The following LRP1B variants were observed in gnomAD, a reference collection of about 807,000 sequenced individuals.
LRP1B encodes low-density lipoprotein receptor-related protein 1B.
LRP1B carries 217 observed loss-of-function variants against 556.6 expected under a neutral mutation model. That is an observed-to-expected ratio of 0.39 (90% confidence interval 0.35 to 0.44). The LOEUF is 0.44. Among genes scored for constraint, LRP1B ranks in the 20% least tolerant of loss-of-function variants. The probability of loss-of-function intolerance (pLI) is 1.00; values close to 1 mark genes in which losing one functional copy is unlikely to be tolerated. For synonymous variants in LRP1B, 2,047 were observed against 1,865.8 expected (o/e 1.10, Z -2.50); for missense variants, 5,053 against 5,620.8 (o/e 0.90, Z 3.23).
intron 6 of LRP1B, among the ~76,000 whole-genome samples, chr2:141,227,639 G>A (rs537515793): frequency 6.6e-6 from 1 of 151,992 alleles, no homozygotes; most frequent in East Asian, 1.9e-4. Flanking sequence ...TCATTAAGAG[G>A]ATCTTCAAAA....
At chr2:142,042,153 G>A (rs1471514896) in intron 1 of LRP1B, among the ~76,000 whole-genome samples, 2 of 151,318 alleles carry the variant, frequency 1.3e-5, no homozygotes, top group African/African-American at 4.8e-5. Flanking sequence ...GGCCTTAACT[G>A]AATGCTACTG....
chr2:140,334,507 T>G lies in LRP1B; in HGVS notation c.12169A>C (p.Met4057Leu). 6.2e-7 allele frequency: 1 copy of G among 1,607,932 alleles called. No homozygotes were observed. Among genetic ancestry groups the G allele is most frequent in the Non-Finnish European group, 8.5e-7 (1 of 1,177,256 alleles). The change falls in exon 79 of 91, where the codon ATG becomes CTG. Residue 4057 changes from methionine (M) to leucine (L), a missense_variant. Transcript: ENST00000389484. Reference sequence around the variant, plus strand: ...AAAATCCTTCTCAGTGTACCATCCATGGCTGCTTCTTCTATATGGGAATGA... The same window carrying G: ...AAAATCCTTCTCAGTGTACCATCCAGGGCTGCTTCTTCTATATGGGAATGA... ...GDHSHIEEAA[M>L]DGTLRRILVQ... is the part of the protein sequence containing the mutation.
At chr2:141,949,590 A>C (rs1701051986) in intron 1 of LRP1B, among the ~76,000 whole-genome samples, 1 of 152,228 alleles carries the variant, frequency 6.6e-6, no homozygotes, top group South Asian at 2.1e-4. Context: ...AGGTTTCACC[A>C]TGTTGGCCAG....
chr2:141,939,284 A>T (rs1700725356), intron 1 of LRP1B, among the ~76,000 whole-genome samples: 1 of 152,072 alleles, frequency 6.6e-6, no homozygotes, highest in Admixed American at 6.6e-5. Flanking sequence ...AGGAAGAATA[A>T]CTTGACTTAC....
intron 2 of LRP1B, among the ~76,000 whole-genome samples, chr2:141,764,604 T>G (rs1188410694): frequency 6.6e-6 from 1 of 152,142 alleles, no homozygotes; most frequent in Non-Finnish European, 1.5e-5. Context: ...AAGAGAGGCC[T>G]TGGTGGAACC....
intron 17 of LRP1B, among the ~76,000 whole-genome samples, chr2:140,983,611 C>T (rs1355059884): frequency 6.6e-6 from 1 of 151,982 alleles, no homozygotes. Context: ...AGTGCACTTG[C>T]AGTGTTAAGA....
chr2:141,847,087 T>A (rs943801041), intron 1 of LRP1B, among the ~76,000 whole-genome samples: 1 of 151,468 alleles, frequency 6.6e-6, no homozygotes, highest in African/African-American at 2.4e-5. Flanking sequence ...TTCACTTACA[T>A]AGAAAATCTA....
At chr2:140,282,201 T>C (rs1015279293) in intron 84 of LRP1B, among the ~76,000 whole-genome samples, 1 of 151,852 alleles carries the variant, frequency 6.6e-6, no homozygotes, top group Admixed American at 6.6e-5. Flanking sequence ...TGGTGCCCTC[T>C]ATCTAGGTTT....
At chr2:142,088,830 C>T (rs538670735) in intron 1 of LRP1B, among the ~76,000 whole-genome samples, 3 of 151,812 alleles carry the variant, frequency 2.0e-5, no homozygotes, top group Non-Finnish European at 4.4e-5. Context: ...AAAAAATTAG[C>T]CGGGCTTGGT....
Position 141,176,465 on chromosome 2 carries a change from T to C in LRP1B, c.1013+11956A>G, listed in dbSNP as rs186379790. The stretch of plus-strand genomic sequence containing the variant: ...TGGCATTTTCTCCCCTTGGTCTCTC[T>C]CTCACCACCATGTGAAGAAGGTCAC... On this transcript the variant is annotated intron_variant, in intron 7 of 90. Coordinates refer to ENST00000389484, the MANE Select transcript of LRP1B (RefSeq NM_018557.3). Among the ~76,000 whole-genome samples the C allele has an allele frequency of 8.5e-4, 130 of 152,152 alleles. 1 individual carries two copies. Among genetic ancestry groups the C allele is most frequent in the Admixed American group, 3.5e-3 (54 of 15,270 alleles).
intron 2 of LRP1B, among the ~76,000 whole-genome samples, chr2:141,661,742 G>A (rs1690227301): frequency 6.6e-6 from 1 of 152,176 alleles, no homozygotes; most frequent in African/African-American, 2.4e-5. Flanking sequence ...ATGAAACCAA[G>A]TTGGAAAACT....
intron 43 of LRP1B, among the ~76,000 whole-genome samples, chr2:140,546,190 C>G (rs1336846356): frequency 6.6e-6 from 1 of 152,020 alleles, no homozygotes; most frequent in Non-Finnish European, 1.5e-5. Context: ...TGGGCTGAGA[C>G]TATGGTGTTC....
At chr2:140,684,574 A>T (rs1007669067) in intron 41 of LRP1B, among the ~76,000 whole-genome samples, 1 of 152,184 alleles carries the variant, frequency 6.6e-6, no homozygotes, top group Non-Finnish European at 1.5e-5. Context: ...CCATTTTCAG[A>T]TATTCATAGA....
chr2:140,699,755 C>T (rs1327457652), intron 41 of LRP1B, among the ~76,000 whole-genome samples: 1 of 148,178 alleles, frequency 6.7e-6, no homozygotes, highest in Non-Finnish European at 1.5e-5. Flanking sequence ...ATAACATTTT[C>T]TCATCTGCTA....
At chr2:141,039,870 A>G (rs1233665191) in intron 11 of LRP1B, among the ~76,000 whole-genome samples, 1 of 152,126 alleles carries the variant, frequency 6.6e-6, no homozygotes, top group Non-Finnish European at 1.5e-5. Context: ...CTTTTCAAAC[A>G]TCTCATCTAG....
At chr2:141,374,467 T>C (rs1689353944) in intron 3 of LRP1B, among the ~76,000 whole-genome samples, 1 of 152,160 alleles carries the variant, frequency 6.6e-6, no homozygotes, top group Non-Finnish European at 1.5e-5. Flanking sequence ...TTAAATAGCT[T>C]TTCTAAACTT....
rs531595918 is a variant in LRP1B at position 141,332,357 on chromosome 2, G to A, written c.344-77716C>T. Among the ~76,000 whole-genome samples the A allele has an allele frequency of 1.6e-3, 241 of 151,068 alleles. 1 individual carries two copies. The highest frequency in any genetic ancestry group is 5.1e-3 in the African/African-American group (208 of 41,154). On this transcript the variant is annotated intron_variant, in intron 3 of 90. Transcript: ENST00000389484. ...GAATCTCACTTCTCTTCTCTTGGCT[G>A]TATTGGTAATGCTTACTCAATGACC...
intron 1 of LRP1B, among the ~76,000 whole-genome samples, chr2:142,014,741 A>T (rs1383150163): frequency 6.6e-6 from 1 of 152,174 alleles, no homozygotes; most frequent in Non-Finnish European, 1.5e-5. Context: ...GGTCATAGTT[A>T]CATTGCAAGT....
At chr2:140,505,635 T>G (rs1488331438) in intron 53 of LRP1B, among the ~76,000 whole-genome samples, 1 of 152,222 alleles carries the variant, frequency 6.6e-6, no homozygotes, top group Non-Finnish European at 1.5e-5. Flanking sequence ...TAACTCTGCT[T>G]CAGATTTATA....
Sources: allele counts gnomAD v4.1 joint callset (sites outside exome capture counted in the v4.1 genomes callset), GRCh38; gene constraint gnomAD v4.1.1; transcripts MANE v1.5; gene names NCBI Gene and HGNC (gene_info 2026-07-23, HGNC 2026-07-21).